CCL24: variants seen among roughly 807,000 people sequenced by gnomAD.
CCL24 encodes the protein C-C motif chemokine 24.
CCL24 carries 6 observed loss-of-function variants against 8.6 expected under a neutral mutation model. The ratio of observed to expected loss-of-function variants is 0.70; its 90% CI spans 0.38 to 1.38. The LOEUF is 1.38. Ranked by LOEUF, CCL24 falls within the 40% of genes most tolerant of loss-of-function variation. CCL24 has a pLI of 0.02. For missense variants in CCL24, 126 were observed against 147.1 expected (o/e 0.86, Z 0.74); for synonymous variants, 59 against 52.7 (o/e 1.12, Z -0.52).
upstream of CCL24, among the ~76,000 whole-genome samples, chr7:75,818,012 G>A (rs954792290): frequency 6.6e-6 from 1 of 151,528 alleles, no homozygotes; most frequent in African/African-American, 2.4e-5. Flanking sequence ...TATATTTTTA[G>A]TGGAGGCGGG....
upstream of CCL24, among the ~76,000 whole-genome samples, chr7:75,816,098 A>G (rs1388047512): frequency 4.6e-5 from 7 of 152,276 alleles, no homozygotes; most frequent in African/African-American, 1.7e-4. Flanking sequence ...TCTCAGTCTC[A>G]TGCTTGACCT....
At chr7:75,815,848 C>G (rs1323206697), upstream of CCL24, among the ~76,000 whole-genome samples, 1 of 152,184 alleles carries the variant, frequency 6.6e-6, no homozygotes. Context: ...AATTGGTCAG[C>G]TGCTTAATTG....
upstream of CCL24, among the ~76,000 whole-genome samples, chr7:75,816,653 C>T (rs563337041): frequency 1.9e-4 from 29 of 151,586 alleles, no homozygotes; most frequent in African/African-American, 6.1e-4. Context: ...CCTCCACCTC[C>T]GAGGTTCAAG....
At chr7:75,813,822 C>T, upstream of CCL24, 1 of 818,350 alleles carries the variant, frequency 1.2e-6, no homozygotes, top group South Asian at 1.4e-5. Context: ...AAACTCCCTC[C>T]CTCTGCCCTT....
Position 75,811,295 on chromosome 7 carries a change from A to G in CCL24, c.*501T>C, listed in dbSNP as rs372340519. 2.0e-5 allele frequency among the ~76,000 whole-genome samples: 3 copies of G among 152,004 alleles called. No individual in the cohort carries two copies. The highest frequency in any genetic ancestry group is 7.2e-5 in the African/African-American group (3 of 41,508). The stretch of plus-strand genomic sequence containing the variant: ...GGAGTTTGAGACCAGCCTGGCCAAC[A>G]TGGTGAAACCTCATCTCTACTAAAA... On this transcript the variant is annotated 3_prime_UTR_variant, in exon 3 of 3. Coordinates refer to ENST00000222902, the MANE Select transcript of CCL24 (RefSeq NM_002991.3).
At chr7:75,819,279 AAAAAAAAAAAAAAAAAAAAAAAAAAT>A (rs1446057796) in intron 1 of CCL24, among the ~76,000 whole-genome samples, 2 of 25,360 alleles carry the variant, frequency 7.9e-5, no homozygotes, top group African/African-American at 3.8e-4. Flanking sequence ...AAAAAAAAAA[AAAAAAAAAAAAAAAAAAAAAAAAAAT>A]ATATATATAT....
chr7:75,814,975 A>C (rs996105376), upstream of CCL24, among the ~76,000 whole-genome samples: 12 of 151,912 alleles, frequency 7.9e-5, 1 homozygote, highest in South Asian at 1.9e-3. Flanking sequence ...AATCCCTGCC[A>C]AGGGTCTGCT....
In CCL24 at chr7:75,811,900, T is replaced by C. The variant is rs782325742; in HGVS notation, c.256A>G (p.Met86Val). Residue 86 changes from methionine to valine, a missense_variant, in exon 3 of 3, where the codon ATG (methionine) becomes GTG (valine). Coordinates refer to ENST00000222902, the MANE Select transcript of CCL24 (RefSeq NM_002991.3). ...DPKQEWVQRY[M>V]KNLDAKQKKA... ...TTCTGCTTGGCGTCCAGGTTCTTCA[T>C]GTACCTCTGGACCCACTCCTGCTTG... is the stretch of plus-strand genomic sequence containing the variant. The C allele has an allele frequency of 1.5e-5, 24 of 1,611,030 alleles. No individual in the cohort carries two copies. The highest frequency in any genetic ancestry group is 3.4e-5 in the Admixed American group (2 of 59,462).
rs1193415127 is a variant in CCL24 at position 75,811,868 on chromosome 7, A to G, written c.288T>C (p.Ala96=). The G allele has an allele frequency of 1.9e-6, 3 of 1,611,558 alleles. No individual in the cohort carries two copies. The highest frequency in any genetic ancestry group is 2.7e-5 in the African/African-American group (2 of 74,078). ...CAGCCACTGCCCTGGCCCTAGGGGA[A>G]GCCTTCTTCTGCTTGGCGTCCAGGT... ...MKNLDAKQKK[A]SPRARAVAVK... The change falls in exon 3 of 3, where the codon GCT becomes GCC. Residue 96 remains alanine (A), a synonymous_variant. Transcript: ENST00000222902.
upstream of CCL24, among the ~76,000 whole-genome samples, chr7:75,814,831 T>A (rs1563351302): frequency 1.3e-5 from 2 of 152,010 alleles, no homozygotes; most frequent in East Asian, 3.9e-4. Flanking sequence ...CCCTGTTTCC[T>A]GAGTTTCCAA....
upstream of CCL24, among the ~76,000 whole-genome samples, chr7:75,816,942 G>T (rs1204876821): frequency 6.6e-6 from 1 of 151,482 alleles, no homozygotes; most frequent in African/African-American, 2.4e-5. Flanking sequence ...ATAGCTCATT[G>T]CAGCTTCCAA....
upstream of CCL24, among the ~76,000 whole-genome samples, chr7:75,817,360 C>T (rs1309227519): frequency 2.0e-5 from 3 of 151,502 alleles, no homozygotes; most frequent in African/African-American, 7.3e-5. Flanking sequence ...GTAAATAGGG[C>T]GGGGATGCCT....
intron 1 of CCL24, among the ~76,000 whole-genome samples, chr7:75,821,136 A>G (rs532120603): frequency 6.6e-6 from 1 of 152,336 alleles, no homozygotes; most frequent in Non-Finnish European, 1.5e-5. Flanking sequence ...AGTGGAGAGC[A>G]GAAGTCATAG....
chr7:75,818,813 C>G (rs1423832365), intron 1 of CCL24, among the ~76,000 whole-genome samples: 1 of 151,890 alleles, frequency 6.6e-6, no homozygotes, highest in Non-Finnish European at 1.5e-5. Flanking sequence ...TGAGAAGTAG[C>G]GTGTTGGCCA....
Position 75,811,000 on chromosome 7 carries a change from G to C in CCL24, c.*796C>G, listed in dbSNP as rs1163764208. 6.6e-6 allele frequency among the ~76,000 whole-genome samples: 1 copy of C among 151,556 alleles called. No homozygotes were observed. The highest frequency in any genetic ancestry group is 1.5e-5 in the Non-Finnish European group (1 of 67,916). ...CTCACCAAAATGTGGGGTGAGCCCA[G>C]ATTTGAAGGCAGTACAGGCCCTTGT... On this transcript the variant is annotated 3_prime_UTR_variant, in exon 3 of 3. Transcript: ENST00000222902.
chr7:75,811,537 T>C lies in CCL24; in HGVS notation c.*259A>G. 2.7e-6 allele frequency: 1 copy of C among 376,080 alleles called. No individual in the cohort carries two copies. The allele number at this position is 376,080 out of a possible 1,614,324, so 23.3% of individuals were successfully genotyped here. ...AGGTCAGGAGGAGAAGGCAAAGAGT[T>C]GCCACTGCTCTCCTTCTGGGATCTT... On this transcript the variant is annotated 3_prime_UTR_variant, in exon 3 of 3. Coordinates refer to ENST00000222902, the MANE Select transcript of CCL24 (RefSeq NM_002991.3).
intron 2 of CCL24, among the ~76,000 whole-genome samples, chr7:75,812,791 A>G (rs185700403): frequency 1.3e-5 from 2 of 152,060 alleles, no homozygotes; most frequent in Non-Finnish European, 1.5e-5. Flanking sequence ...TTAGCCGGGC[A>G]TGGTGGTGCG....
Position 75,813,424 on chromosome 7 carries a change from C to A in CCL24, c.74-1G>T. The A allele has an allele frequency of 6.3e-7, 1 of 1,599,800 alleles. No homozygotes were observed. Among genetic ancestry groups the A allele is most frequent in the East Asian group, 2.2e-5 (1 of 44,738 alleles). ...CAGGGAGAGGGGATGACCACAGAGC[C>A]TAGAAGAGGAGAGAGAGAAGAGCCA... On this transcript the variant is annotated splice_acceptor_variant, in intron 1 of 2. Transcript: ENST00000222902. LOFTEE classifies it high-confidence loss of function.
At chr7:75,820,344 A>C (rs1366131534) in intron 1 of CCL24, among the ~76,000 whole-genome samples, 1 of 151,798 alleles carries the variant, frequency 6.6e-6, no homozygotes, top group East Asian at 1.9e-4. Context: ...ACACCCAGCT[A>C]ATTTTTTTGT....
Sources: gnomAD v4.1 joint callset for allele counts (sites outside exome capture counted in the v4.1 genomes callset) on GRCh38, gnomAD v4.1.1 for gene constraint, MANE v1.5 for transcripts, NCBI Gene and HGNC (gene_info 2026-07-23, HGNC 2026-07-21) for gene names.